Variants in VPS13B observed in about 807,000 individuals in gnomAD.
The protein encoded by VPS13B is intermembrane lipid transfer protein VPS13B.
Under a neutral mutation model 426.4 loss-of-function variants are expected in VPS13B, and 285 were observed. The ratio of observed to expected loss-of-function variants is 0.67; its 90% confidence interval spans 0.61 to 0.74. VPS13B has a LOEUF of 0.74. Among genes scored for constraint, VPS13B ranks in the 30% least tolerant of loss-of-function variants. The probability of loss-of-function intolerance (pLI) is 0.00; values close to 1 mark genes in which losing one functional copy is unlikely to be tolerated. For synonymous variants in VPS13B, 1,676 were observed against 1,676.4 expected (o/e 1.00, Z 0.01); for missense variants, 4,537 against 4,782.6 (o/e 0.95, Z 1.51).
chr8:99,450,456 C>T (rs545084209), intron 23 of VPS13B, among the ~76,000 whole-genome samples: 50 of 152,246 alleles, frequency 3.3e-4, no homozygotes, highest in African/African-American at 1.2e-3. Flanking sequence ...TGGCTCATTC[C>T]TGTAATCCCA....
At chr8:99,534,388 T>C (rs1315011536) in intron 30 of VPS13B, among the ~76,000 whole-genome samples, 1 of 152,212 alleles carries the variant, frequency 6.6e-6, no homozygotes, top group South Asian at 2.1e-4. Flanking sequence ...ATTGCCACTT[T>C]TATACTTTCT....
intron 17 of VPS13B, among the ~76,000 whole-genome samples, chr8:99,248,789 T>C (rs1301421086): frequency 6.6e-6 from 1 of 152,176 alleles, no homozygotes; most frequent in Non-Finnish European, 1.5e-5. Flanking sequence ...AAATCTGTCA[T>C]TGATTGATTG....
chr8:99,486,511 C>G (rs920928590), intron 25 of VPS13B, among the ~76,000 whole-genome samples: 1 of 152,200 alleles, frequency 6.6e-6, no homozygotes, highest in East Asian at 1.9e-4. Context: ...CCATCCTGCC[C>G]AGGCATGAAT....
At chr8:99,620,927 A>G (rs1367156810) in intron 33 of VPS13B, among the ~76,000 whole-genome samples, 3 of 147,944 alleles carry the variant, frequency 2.0e-5, no homozygotes, top group Non-Finnish European at 4.5e-5. Context: ...CGGAGTTTGC[A>G]GTGAACTGAG....
intron 21 of VPS13B, among the ~76,000 whole-genome samples, chr8:99,408,533 A>T (rs1393352255): frequency 6.6e-6 from 1 of 152,108 alleles, no homozygotes; most frequent in East Asian, 1.9e-4. Context: ...TAAGATGAAG[A>T]GCATAGGGGC....
chr8:99,102,272 C>A (rs1846794010), intron 4 of VPS13B, among the ~76,000 whole-genome samples: 1 of 151,990 alleles, frequency 6.6e-6, no homozygotes, highest in South Asian at 2.1e-4. Context: ...ATTCTCCTTC[C>A]TTCCATACTT....
chr8:99,380,286 G>A (rs1014955957), intron 19 of VPS13B, among the ~76,000 whole-genome samples: 1 of 152,066 alleles, frequency 6.6e-6, no homozygotes, highest in Admixed American at 6.6e-5. Context: ...TGATACTTGG[G>A]AAGTAGAAGA....
At chr8:99,041,289 A>G (rs558617887) in intron 3 of VPS13B, among the ~76,000 whole-genome samples, 10 of 152,332 alleles carry the variant, frequency 6.6e-5, no homozygotes, top group South Asian at 6.2e-4. Flanking sequence ...TAAATCTTGC[A>G]GAGTTACTAC....
At chr8:99,236,779 A>G (rs1816674562) in intron 17 of VPS13B, among the ~76,000 whole-genome samples, 1 of 152,232 alleles carries the variant, frequency 6.6e-6, no homozygotes, top group African/African-American at 2.4e-5. Flanking sequence ...GAATGGAGAA[A>G]AAAGAGGCAT....
chr8:99,738,374 A>G (rs1833931078), intron 39 of VPS13B, among the ~76,000 whole-genome samples: 1 of 152,236 alleles, frequency 6.6e-6, no homozygotes. Flanking sequence ...TAGCTAAATC[A>G]TGGTATATCT....
chr8:99,596,252 T>C (rs934638871), intron 33 of VPS13B, among the ~76,000 whole-genome samples: 1 of 151,874 alleles, frequency 6.6e-6, no homozygotes, highest in African/African-American at 2.4e-5. Flanking sequence ...AACTGGAGCC[T>C]AGAGTAGCTA....
intron 17 of VPS13B, among the ~76,000 whole-genome samples, chr8:99,202,730 C>T (rs1335431188): frequency 1.3e-5 from 2 of 152,020 alleles, no homozygotes; most frequent in Non-Finnish European, 2.9e-5. Flanking sequence ...CAAAACCTGG[C>T]AGAGACACAA....
At chr8:99,383,205 C>T (rs910474288) in intron 19 of VPS13B, among the ~76,000 whole-genome samples, 86 of 152,182 alleles carry the variant, frequency 5.7e-4, no homozygotes, top group African/African-American at 1.9e-3. Flanking sequence ...GTTACACTTC[C>T]GCTTTGTGTT....
At chr8:99,314,482 T>C (rs1821197208) in intron 19 of VPS13B, among the ~76,000 whole-genome samples, 1 of 152,240 alleles carries the variant, frequency 6.6e-6, no homozygotes, top group Admixed American at 6.5e-5. Flanking sequence ...TTGTTAATTT[T>C]CTGTCTAGAT....
chr8:99,315,718 G>A, intron 19 of VPS13B, among the ~76,000 whole-genome samples: 1 of 151,482 alleles, frequency 6.6e-6, no homozygotes, highest in East Asian at 1.9e-4. Flanking sequence ...TTAGCTGCAA[G>A]CTCCGCCTCC....
intron 2 of VPS13B, among the ~76,000 whole-genome samples, chr8:99,020,860 A>T (rs1841850383): frequency 6.6e-6 from 1 of 152,214 alleles, no homozygotes; most frequent in Non-Finnish European, 1.5e-5. Context: ...AGTGAGTTTC[A>T]GAATCAGGAA....
intron 33 of VPS13B, among the ~76,000 whole-genome samples, chr8:99,582,533 A>G (rs1390939345): frequency 2.6e-5 from 4 of 151,910 alleles, no homozygotes; most frequent in Non-Finnish European, 4.4e-5. Context: ...TTTTTTGTCA[A>G]TCTTAATTGT....
Position 99,778,817 on chromosome 8 carries a change from A to T in VPS13B, c.7565A>T (p.Gln2522Leu). The T allele has an allele frequency of 6.2e-7, 1 of 1,614,012 alleles. No homozygotes were observed. The highest frequency in any genetic ancestry group is 8.5e-7 in the Non-Finnish European group (1 of 1,179,928). Residue 2522 changes from glutamine to leucine, a missense_variant, in exon 42 of 62, where the codon CAG becomes CTG. Physicochemically the swap from Gln to Leu is moderately radical, Grantham distance 113 (BLOSUM62 -2). This residue lies in a region of VPS13B where 4,311 missense variants were observed against 4,474.3 expected (regional missense o/e 0.96). Transcript: ENST00000357162. Reference protein sequence around the residue: ...WNNGSVCQEIQFLAQADCKLL... With the variant: ...WNNGSVCQEILFLAQADCKLL... ...AATGGTTCTGTCTGTCAGGAGATCC[A>T]GTTCTTAGCTCAAGCAGACTGTAAA...
chr8:99,206,288 G>A (rs1222848480), intron 17 of VPS13B, among the ~76,000 whole-genome samples: 1 of 151,996 alleles, frequency 6.6e-6, no homozygotes, highest in African/African-American at 2.4e-5. Context: ...ATGGACATTC[G>A]AATCCCTCAT....
Sources: gnomAD v4.1 joint callset for allele counts (sites outside exome capture counted in the v4.1 genomes callset) on GRCh38, gnomAD v4.1.1 for gene constraint, gnomAD v4.1.1 regional missense constraint, MANE v1.5 for transcripts, NCBI Gene and HGNC (gene_info 2026-07-23, HGNC 2026-07-21) for gene names.